Variants in NHLRC2 observed in about 807,000 individuals in gnomAD.
NHLRC2 encodes the protein NHL repeat containing 2.
Under a neutral mutation model 68.1 loss-of-function variants are expected in NHLRC2, and 33 were observed. The observed-to-expected ratio is 0.48, with a 90% CI of 0.37 to 0.65. NHLRC2 has a LOEUF of 0.65. NHLRC2 is among the 30% of genes least tolerant of loss of function. The pLI is 0.00. For synonymous variants in NHLRC2, 311 were observed against 309.6 expected, an observed-to-expected ratio of 1.00 and a Z score of -0.05; for missense variants, 761 against 853.8, an observed-to-expected ratio of 0.89 and a Z score of 1.35.
In NHLRC2 at chr10:113,854,963, C is replaced by G. The variant is rs1217376089; in HGVS notation, c.91C>G (p.Gln31Glu). 1.2e-5 allele frequency: 18 copies of G among 1,553,942 alleles called. No individual in the cohort carries two copies. In the South Asian group the frequency reaches 1.8e-4, roughly 15 times the overall value. Residue 31 changes from glutamine to glutamate, a missense_variant, in exon 1 of 11, where the codon CAG (glutamine) becomes GAG (glutamate). By Grantham distance (29) the Gln-to-Glu change is conservative. Transcript: ENST00000369301. ...LEYALLDAVT[Q>E]QEKDSLVYQY... ...GTACGCCCTGCTCGACGCCGTTACC[C>G]AGCAGGAGAAGGACAGCCTGGTCTA...
chr10:113,903,876 A>T (rs979153552), intron 9 of NHLRC2, 140 bp downstream of exon 9: 2 of 616,594 alleles, frequency 3.2e-6, no homozygotes, highest in Non-Finnish European at 5.9e-6. Flanking sequence ...TTCTTTGACA[A>T]AGAGACCAGC....
intron 5 of NHLRC2, among the ~76,000 whole-genome samples, chr10:113,887,087 T>C (rs770291822): frequency 3.3e-5 from 5 of 152,160 alleles, no homozygotes; most frequent in Non-Finnish European, 7.4e-5. Context: ...GAGATATGAA[T>C]GGTAAGCAGA....
chr10:113,876,600 T>C lies in NHLRC2; in HGVS notation c.411T>C (p.Leu137=), dbSNP rs761537990. 6.2e-7 allele frequency: 1 copy of C among 1,613,690 alleles called. No homozygotes were observed. The highest frequency in any genetic ancestry group is 1.1e-5 in the South Asian group (1 of 91,066). The change falls in exon 3 of 11, where the codon CTT becomes CTC. Residue 137 remains leucine, a synonymous_variant. Transcript: ENST00000369301. ...TGGATAACATTAAGAGTGCTGTTCT[T>C]CGATACAACATCACCCACCCTATGG... ...KVLDNIKSAV[L]RYNITHPMVN...
At chr10:113,899,575 C>T (rs535321976) in intron 6 of NHLRC2, among the ~76,000 whole-genome samples, 3 of 152,276 alleles carry the variant, frequency 2.0e-5, no homozygotes, top group South Asian at 2.1e-4. Flanking sequence ...GAGGAAGAAT[C>T]AGATCAGCAA....
chr10:113,881,045 A>G (rs918482888), intron 4 of NHLRC2, among the ~76,000 whole-genome samples: 1 of 151,874 alleles, frequency 6.6e-6, no homozygotes, highest in Non-Finnish European at 1.5e-5. Context: ...GACTGTTTCC[A>G]TGGTGTATAT....
intron 2 of NHLRC2, among the ~76,000 whole-genome samples, chr10:113,874,548 A>G (rs1256205990): frequency 1.4e-5 from 2 of 147,670 alleles, no homozygotes; most frequent in African/African-American, 2.5e-5. Flanking sequence ...CATGGTTTTA[A>G]TGTATTTTAT....
Position 113,909,748 on chromosome 10 carries a change from A to G in NHLRC2, c.*1212A>G, listed in dbSNP as rs1326082913. ...TTAAAAGCCTAATCTTGTTTTCCTT[A>G]AGACCTATTCAACATGTTTGTGATT... On this transcript the variant is annotated 3_prime_UTR_variant, in exon 11 of 11. Coordinates refer to ENST00000369301, the MANE Select transcript of NHLRC2 (RefSeq NM_198514.4). 1 of 152,104 alleles carries G rather than the reference A, an allele frequency of 6.6e-6. No homozygotes were observed. The highest frequency in any genetic ancestry group is 2.4e-5 in the African/African-American group (1 of 41,434). The allele number at this position is 152,104 out of a possible 1,614,324, so 9.4% of individuals were successfully genotyped here.
rs1846193388 is a variant in NHLRC2 at position 113,898,228 on chromosome 10, C to G, written c.1139+19C>G. 6.8e-7 allele frequency: 1 copy of G among 1,468,838 alleles called. No homozygotes were observed. Among genetic ancestry groups the G allele is most frequent in the Non-Finnish European group, 9.5e-7 (1 of 1,048,058 alleles). The allele number at this position is 1,468,838 out of a possible 1,614,324, so 91.0% of individuals were successfully genotyped here. ...AGAAAAAGTAAGTGACAGCCTCTCT[C>G]TTTGAGTAGACTGTACTACTTGGTG... On this transcript the variant is annotated intron_variant, in intron 6 of 10. Transcript: ENST00000369301.
intron 2 of NHLRC2, among the ~76,000 whole-genome samples, chr10:113,862,532 G>C (rs1845827388): frequency 6.6e-6 from 1 of 150,946 alleles, no homozygotes; most frequent in Non-Finnish European, 1.5e-5. Context: ...AAAGCTCTAA[G>C]GCATGTAGAA....
At position 113,904,886 on chromosome 10, in the gene NHLRC2, C is replaced by T. The variant is rs753232852; in HGVS notation, c.1774C>T (p.Pro592Ser). 3 of 1,612,616 alleles carry T rather than the reference C, an allele frequency of 1.9e-6. No individual in the cohort carries two copies. The highest frequency in any genetic ancestry group is 4.5e-5 in the East Asian group (2 of 44,810). The change falls in exon 10 of 11, where the codon CCC becomes TCC. Residue 592 changes from proline to serine, a missense_variant. Transcript: ENST00000369301. ...PFLVEKQKTL[P>S]KLPKSAPSIR... ...CCTAGTAGAAAAACAGAAGACATTACCCAAACTACCTAAATCTGCTCCAAG... is the reference window on the plus strand; with the variant it reads ...CCTAGTAGAAAAACAGAAGACATTATCCAAACTACCTAAATCTGCTCCAAG...
intron 5 of NHLRC2, 71 bp from the exon 6 acceptor site, chr10:113,898,039 C>A: frequency 1.3e-6 from 1 of 779,136 alleles, no homozygotes; most frequent in Non-Finnish European, 2.0e-6. Context: ...ATAAATTTAA[C>A]ATTTTAAAAC....
In NHLRC2 at chr10:113,888,940, C is replaced by T. The variant is rs377744284; in HGVS notation, c.1039+4560C>T. The stretch of plus-strand genomic sequence containing the variant: ...CTGTCGGGTTCAAGCAATTCTCCTG[C>T]CTCAGCCTCCCAAGTAGCTGAGATT... On this transcript the variant is annotated intron_variant, in intron 5 of 10. Transcript: ENST00000369301. Among the ~76,000 whole-genome samples the T allele has an allele frequency of 2.4e-3, 357 of 151,600 alleles. 1 individual carries two copies. Among genetic ancestry groups the T allele is most frequent in the African/African-American group, 7.9e-3 (325 of 41,284 alleles).
intron 6 of NHLRC2, among the ~76,000 whole-genome samples, chr10:113,899,470 G>C (rs987198263): frequency 6.6e-6 from 1 of 152,090 alleles, no homozygotes. Flanking sequence ...ACATTTAATC[G>C]TTTAGCAAAT....
intron 1 of NHLRC2, among the ~76,000 whole-genome samples, chr10:113,858,109 T>C (rs557285594): frequency 6.6e-6 from 1 of 151,924 alleles, no homozygotes; most frequent in African/African-American, 2.4e-5. Context: ...TTACCCTATT[T>C]CTGAAAGAAT....
In NHLRC2 at chr10:113,910,076, A is replaced by G. The variant is rs1226977784; in HGVS notation, c.*1540A>G. The G allele has an allele frequency of 6.6e-6, 1 of 152,200 alleles. No homozygotes were observed. Among genetic ancestry groups the G allele is most frequent in the African/African-American group, 2.4e-5 (1 of 41,452 alleles). 9.4% of individuals were successfully genotyped at this position (152,200 alleles called of 1,614,324 possible). On this transcript the variant is annotated 3_prime_UTR_variant, in exon 11 of 11. Coordinates refer to ENST00000369301, the MANE Select transcript of NHLRC2 (RefSeq NM_198514.4). Reference sequence around the variant, plus strand: ...AAATATAGATATAAAATTAAAAGGAATCCTGTTTAAAATTATATGTAATTA... The same window carrying G: ...AAATATAGATATAAAATTAAAAGGAGTCCTGTTTAAAATTATATGTAATTA...
intron 5 of NHLRC2, among the ~76,000 whole-genome samples, chr10:113,896,887 G>C: frequency 6.6e-6 from 1 of 151,710 alleles, no homozygotes; most frequent in South Asian, 2.1e-4. Context: ...CCAGCTACTC[G>C]GGAGGCTGAG....
Position 113,915,002 on chromosome 10 carries a change from C to T in NHLRC2, c.*6466C>T, listed in dbSNP as rs1156692774. 6.6e-6 allele frequency: 3 copies of T among 456,146 alleles called. No homozygotes were observed. The highest frequency in any genetic ancestry group is 6.0e-5 in the African/African-American group (3 of 50,054). The allele number at this position is 456,146 out of a possible 1,614,324, so 28.3% of individuals were successfully genotyped here. A position where few individuals can be genotyped will look rare whatever the true frequency, so the allele number is the denominator to read the frequency against. ...ATCACAGAGCCTGGGTAAGGTGGAA[C>T]AGGAGGCAGCCCCACTCGGCTTTTC... On this transcript the variant is annotated 3_prime_UTR_variant, in exon 11 of 11. Coordinates refer to ENST00000369301, the MANE Select transcript of NHLRC2 (RefSeq NM_198514.4).
intron 5 of NHLRC2, 134 bp from the exon 6 acceptor site, chr10:113,897,976 C>A: frequency 2.1e-6 from 1 of 478,822 alleles, no homozygotes; most frequent in Non-Finnish European, 3.6e-6. Flanking sequence ...TAACTTGAAA[C>A]ATTGCAGATA....
At chr10:113,860,817 A>T (rs1385319490) in intron 2 of NHLRC2, among the ~76,000 whole-genome samples, 1 of 152,236 alleles carries the variant, frequency 6.6e-6, no homozygotes. Context: ...CTTATAGTGC[A>T]GCTGATAAAC....
Sources: gnomAD v4.1 joint callset for allele counts (sites outside exome capture counted in the v4.1 genomes callset) on GRCh38, gnomAD v4.1.1 for gene constraint, MANE v1.5 for transcripts, NCBI Gene and HGNC (gene_info 2026-07-23, HGNC 2026-07-21) for gene names.